The following DAP variants were observed in gnomAD, a reference collection of about 807,000 sequenced individuals.
DAP encodes the protein death-associated protein 1.
In DAP, 8 loss-of-function variants were observed where a neutral mutation model predicts 13.8. The ratio of observed to expected loss-of-function variants is 0.58; its 90% CI spans 0.34 to 1.05. The LOEUF (loss-of-function observed/expected upper bound fraction) is 1.05, where lower values mean the gene tolerates loss of function less well. DAP is among the 50% of genes least tolerant of loss of function. The probability of loss-of-function intolerance (pLI) is 0.03; values close to 1 mark genes in which losing one functional copy is unlikely to be tolerated. For missense variants in DAP, 106 were observed against 133.2 expected, an observed-to-expected ratio of 0.80 and a Z score of 1.01; for synonymous variants, 47 against 47.5, an observed-to-expected ratio of 0.99 and a Z score of 0.04.
intron 2 of DAP, 123 bp from the exon 3 acceptor site, chr5:10,683,694 C>T (rs1738088651): frequency 2.3e-6 from 2 of 855,598 alleles, no homozygotes; most frequent in Non-Finnish European, 1.9e-6. Context: ...GGGAAGCAAA[C>T]CTCTCCTCTG....
chr5:10,757,318 A>G (rs1192801028), intron 1 of DAP, among the ~76,000 whole-genome samples: 1 of 151,906 alleles, frequency 6.6e-6, no homozygotes, highest in Non-Finnish European at 1.5e-5. Flanking sequence ...CTTCTTGCCC[A>G]GGCTGGAGTC....
At chr5:10,722,032 T>A (rs866991522) in intron 2 of DAP, among the ~76,000 whole-genome samples, 1 of 152,358 alleles carries the variant, frequency 6.6e-6, no homozygotes, top group Non-Finnish European at 1.5e-5. Context: ...GGTGTAATTA[T>A]GATCTTATTG....
chr5:10,705,968 G>C (rs1371781584), intron 2 of DAP, among the ~76,000 whole-genome samples: 1 of 152,176 alleles, frequency 6.6e-6, no homozygotes, highest in Non-Finnish European at 1.5e-5. Flanking sequence ...TCTCAAATAT[G>C]CATCATTTTA....
Position 10,679,695 on chromosome 5 carries a change from AC to A in DAP, c.*1360del, listed in dbSNP as rs2126629914. Reference sequence around the variant, plus strand: ...AAGTTGATTAGATGGGAAACCAAACACCGTCTTTCAAGTGTGAGGCTGTGCC... The same window carrying A: ...AAGTTGATTAGATGGGAAACCAAACACGTCTTTCAAGTGTGAGGCTGTGCC... On this transcript the variant is annotated 3_prime_UTR_variant, in exon 4 of 4. Transcript: ENST00000230895. 6.6e-6 allele frequency: 1 copy of A among 152,548 alleles called. No homozygotes were observed. Among genetic ancestry groups the A allele is most frequent in the Non-Finnish European group, 1.5e-5 (1 of 68,096 alleles). The allele number at this position is 152,548 out of a possible 1,614,324, so 9.4% of individuals were successfully genotyped here.
rs149461837 is a variant in DAP, at chr5:10,760,164, T to C, written c.55+850A>G. 1.7e-3 allele frequency among the ~76,000 whole-genome samples: 260 copies of C among 152,330 alleles called. 1 individual carries two copies. The highest frequency in any genetic ancestry group is 4.3e-3 in the Admixed American group (66 of 15,304). Reference sequence around the variant, plus strand: ...GAGTTTATGACACTAAGGCGTGCTATTAAGACCTAAAAGAACCTCACGCAT... The same window carrying C: ...GAGTTTATGACACTAAGGCGTGCTACTAAGACCTAAAAGAACCTCACGCAT... On this transcript the variant is annotated intron_variant, in intron 1 of 3. Coordinates refer to ENST00000230895, the MANE Select transcript of DAP (RefSeq NM_004394.3).
chr5:10,741,234 T>A (rs1345453979), intron 2 of DAP, among the ~76,000 whole-genome samples: 1 of 152,148 alleles, frequency 6.6e-6, no homozygotes, highest in African/African-American at 2.4e-5. Flanking sequence ...ACACCTCTAG[T>A]CCTAGCTACT....
At chr5:10,687,817 A>G (rs1738192665) in intron 2 of DAP, among the ~76,000 whole-genome samples, 2 of 152,164 alleles carry the variant, frequency 1.3e-5, no homozygotes, top group South Asian at 4.1e-4. Flanking sequence ...GTAAAATGCT[A>G]TCAAACAACA....
intron 2 of DAP, among the ~76,000 whole-genome samples, chr5:10,689,881 GTCAC>G (rs1470008421): frequency 3.3e-5 from 5 of 152,152 alleles, no homozygotes; most frequent in Admixed American, 6.5e-5. Flanking sequence ...GACAGGGAAT[GTCAC>G]TCAGTGGCAA....
At chr5:10,694,072 G>T (rs893474610) in intron 2 of DAP, among the ~76,000 whole-genome samples, 2 of 150,956 alleles carry the variant, frequency 1.3e-5, no homozygotes, top group Non-Finnish European at 3.0e-5. Context: ...CAGTCGGGTC[G>T]TCTGAGATCT....
chr5:10,721,418 T>C (rs1739137641), intron 2 of DAP, among the ~76,000 whole-genome samples: 1 of 151,982 alleles, frequency 6.6e-6, no homozygotes, highest in African/African-American at 2.4e-5. Flanking sequence ...CCTGGACACT[T>C]TGGGCTCTTA....
chr5:10,755,556 C>A (rs1740161652), intron 1 of DAP, among the ~76,000 whole-genome samples: 1 of 152,208 alleles, frequency 6.6e-6, no homozygotes, highest in South Asian at 2.1e-4. Flanking sequence ...TAGTGTTATA[C>A]AGCAAGGGGT....
At chr5:10,682,181 AGACCAG>A (rs1738034515) in intron 3 of DAP, among the ~76,000 whole-genome samples, 1 of 151,460 alleles carries the variant, frequency 6.6e-6, no homozygotes, top group African/African-American at 2.4e-5. Context: ...AGGAAGCCCC[AGACCAG>A]TGCCCACCAG....
chr5:10,713,171 C>T (rs538486872), intron 2 of DAP, among the ~76,000 whole-genome samples: 1 of 152,138 alleles, frequency 6.6e-6, no homozygotes, highest in Non-Finnish European at 1.5e-5. Context: ...GCTCCATAAT[C>T]GATTCCTAGG....
At chr5:10,760,065 A>G (rs1325435403) in intron 1 of DAP, among the ~76,000 whole-genome samples, 1 of 152,040 alleles carries the variant, frequency 6.6e-6, no homozygotes, top group Non-Finnish European at 1.5e-5. Flanking sequence ...AGGAATCTTT[A>G]TTGTCAAGAA....
At chr5:10,746,012 T>G (rs1204032386) in intron 2 of DAP, among the ~76,000 whole-genome samples, 1 of 152,222 alleles carries the variant, frequency 6.6e-6, no homozygotes, top group Non-Finnish European at 1.5e-5. Context: ...AGTCCCTAAA[T>G]TTAAAAAAAT....
At chr5:10,702,666 G>A (rs1738610834) in intron 2 of DAP, among the ~76,000 whole-genome samples, 1 of 152,180 alleles carries the variant, frequency 6.6e-6, no homozygotes, top group South Asian at 2.1e-4. Context: ...AGGAAAAGAG[G>A]GATGGGGTGT....
At chr5:10,689,832 G>A (rs756099090) in intron 2 of DAP, among the ~76,000 whole-genome samples, 1 of 152,162 alleles carries the variant, frequency 6.6e-6, no homozygotes, top group Non-Finnish European at 1.5e-5. Context: ...ACTTGCCCTT[G>A]TGCACACCCT....
intron 2 of DAP, among the ~76,000 whole-genome samples, chr5:10,711,079 C>T (rs1738837027): frequency 1.3e-5 from 2 of 152,292 alleles, no homozygotes; most frequent in South Asian, 2.1e-4. Context: ...AAGACTTGAA[C>T]TCTTGAAACA....
intron 2 of DAP, among the ~76,000 whole-genome samples, chr5:10,705,046 C>T (rs1232767360): frequency 6.6e-6 from 1 of 152,190 alleles, no homozygotes; most frequent in Non-Finnish European, 1.5e-5. Flanking sequence ...CTGTGGTCAA[C>T]TAAATTCTGG....
Sources: allele counts gnomAD v4.1 joint callset (sites outside exome capture counted in the v4.1 genomes callset), GRCh38; gene constraint gnomAD v4.1.1; transcripts MANE v1.5; gene names NCBI Gene and HGNC (gene_info 2026-07-23, HGNC 2026-07-21).